The following CHD5 variants were observed in gnomAD, a reference collection of about 807,000 sequenced individuals.
CHD5 encodes the protein ATP-dependent chromatin remodeler CHD5.
Under a neutral mutation model 230.3 loss-of-function variants are expected in CHD5, and 69 were observed. The observed-to-expected ratio is 0.30, with a 90% CI of 0.25 to 0.37. The LOEUF is 0.37. CHD5 is among the 10% of genes least tolerant of loss of function. CHD5 has a pLI of 1.00. For missense variants in CHD5, 1,827 were observed against 2,622.8 expected (o/e 0.70, Z 6.63); for synonymous variants, 1,064 against 1,065.9 (o/e 1.00, Z 0.03).
In CHD5 at chr1:6,143,825, C is replaced by T; in HGVS notation, c.2041G>A (p.Asp681Asn). ...GCTGCCCCACCCTCCCCACTCACGT[C>T]CACAATGGGCGTGTCCGGCGGCTTC... ...QEKPPDTPIVDPTVKFDKQPW... is the reference protein window; with the variant it reads ...QEKPPDTPIVNPTVKFDKQPW... The change falls in exon 13 of 42, where the codon GAC becomes AAC. Residue 681 changes from aspartate (D) to asparagine (N), a missense_variant and splice_region_variant. Physicochemically the swap from Asp to Asn is conservative, Grantham distance 23. Coordinates refer to ENST00000262450, the MANE Select transcript of CHD5 (RefSeq NM_015557.3). The T allele has an allele frequency of 6.2e-7, 1 of 1,604,036 alleles. No individual in the cohort carries two copies.
At chr1:6,143,061 CT>C (rs5772221) in intron 13 of CHD5, among the ~76,000 whole-genome samples, 89,297 of 148,546 alleles carry the variant, frequency 0.6, 27,310 homozygotes, top group Non-Finnish European at 0.68. Flanking sequence ...CAGACATTTA[CT>C]TTTTTTTTTT....
intron 33 of CHD5, among the ~76,000 whole-genome samples, chr1:6,119,763 G>T (rs561256089): frequency 6.6e-6 from 1 of 150,436 alleles, no homozygotes; most frequent in Middle Eastern, 3.6e-3. Flanking sequence ...ACATACGTGC[G>T]TACATACGTA....
At position 6,134,506 on chromosome 1, in the gene CHD5, G is replaced by GC. The variant is rs1310870360; in HGVS notation, c.3012+211dup. On this transcript the variant is annotated intron_variant, in intron 19 of 41. Transcript: ENST00000262450. The surrounding 1 kb of genome is among the most constrained non-coding windows in gnomAD (Gnocchi z 6.3). The stretch of plus-strand genomic sequence containing the variant: ...TCACAGCCGCACCAGCCCTACCACA[G>GC]CAGCGGGTTCCACGGTAAGTTCCCC... Among the ~76,000 whole-genome samples, 1 of 152,192 alleles carries GC rather than the reference G, an allele frequency of 6.6e-6. No individual in the cohort carries two copies. The highest frequency in any genetic ancestry group is 6.5e-5 in the Admixed American group (1 of 15,282).
At position 6,142,714 on chromosome 1, in the gene CHD5, C is replaced by T; in HGVS notation, c.2044-109G>A. ...TTCTGCCTGGAACACTCTTCCCACT[C>T]CTGTCTGTCTTCCTAACTCTTCTCC... is the stretch of plus-strand genomic sequence containing the variant. On this transcript the variant is annotated intron_variant, in intron 13 of 41. Coordinates refer to ENST00000262450, the MANE Select transcript of CHD5 (RefSeq NM_015557.3). The surrounding 1 kb of genome is among the most constrained non-coding windows in gnomAD (Gnocchi z 5.2). 8.3e-7 allele frequency: 1 copy of T among 1,199,854 alleles called. No homozygotes were observed. The highest frequency in any genetic ancestry group is 1.2e-6 in the Non-Finnish European group (1 of 868,222). The allele number at this position is 1,199,854 out of a possible 1,614,324, so 74.3% of individuals were successfully genotyped here. A position where few individuals can be genotyped will look rare whatever the true frequency, so the allele number is the denominator to read the frequency against.
chr1:6,168,353 T>C lies in CHD5; in HGVS notation c.80-76A>G, dbSNP rs1320983487. ...AGCCCTGGAGACACAGAGCCAGCCC[T>C]GGGGAAGCTGGGACCCCCAGACACC... On this transcript the variant is annotated intron_variant, in intron 1 of 41. Transcript: ENST00000262450. 4.3e-5 allele frequency: 63 copies of C among 1,481,852 alleles called. No individual in the cohort carries two copies. In the Middle Eastern group the frequency reaches 6.8e-4, roughly 16 times the overall value. The allele number at this position is 1,481,852 out of a possible 1,614,324, so 91.8% of individuals were successfully genotyped here.
At position 6,121,064 on chromosome 1, in the gene CHD5, AGACAT is replaced by A. The variant is rs762852333; in HGVS notation, c.4912+36_4912+40del. The A allele has an allele frequency of 3.2e-6, 5 of 1,539,660 alleles. No homozygotes were observed. In the African/African-American group the frequency reaches 6.9e-5, roughly 21 times the overall value. On this transcript the variant is annotated intron_variant, in intron 33 of 41. Transcript: ENST00000262450. The surrounding 1 kb of genome is among the most constrained non-coding windows in gnomAD (Gnocchi z 4.5). ...CTCTGAACCCAGGCCTGCTGAGGCC[AGACAT>A]GGCACTGGGGTGGGTGGCCTGCAAG...
At position 6,125,530 on chromosome 1, in the gene CHD5, G is replaced by T; in HGVS notation, c.4254C>A (p.Asn1418Lys). 1 of 1,585,582 alleles carries T rather than the reference G, an allele frequency of 6.3e-7. No homozygotes were observed. The highest frequency in any genetic ancestry group is 1.8e-5 in the Admixed American group (1 of 56,302). ...LPPLLARVGG[N>K]IEVLGFNARQ... ...GGGAACAGACAGGCCCCACCTCGAT[G>T]TTGCCACCAACTCGGGCGAGAAGCG... The change falls in exon 28 of 42, where the codon AAC becomes AAA. Residue 1418 changes from asparagine to lysine, a missense_variant. Transcript: ENST00000262450. The surrounding 1 kb of genome is among the most constrained non-coding windows in gnomAD (Gnocchi z 6.7).
intron 33 of CHD5, among the ~76,000 whole-genome samples, chr1:6,119,546 G>T (rs553433650): frequency 6.6e-6 from 1 of 152,102 alleles, no homozygotes; most frequent in African/African-American, 2.4e-5. Context: ...GCAAAATCTG[G>T]CATTATAAGA....
intron 33 of CHD5, among the ~76,000 whole-genome samples, chr1:6,119,766 CATACGTACATATGTGCGTAT>C: frequency 6.6e-6 from 1 of 150,722 alleles, no homozygotes; most frequent in South Asian, 2.1e-4. Context: ...TACGTGCGTA[CATACGTACATATGTGCGTAT>C]ATACGTACGT....
At chr1:6,159,947 G>A (rs2100873395) in intron 2 of CHD5, among the ~76,000 whole-genome samples, 1 of 152,340 alleles carries the variant, frequency 6.6e-6, no homozygotes, top group South Asian at 2.1e-4. Flanking sequence ...GGCGGTGGAG[G>A]ATGTGGTCCC....
chr1:6,143,793 A>AAC, intron 13 of CHD5, 30 bp downstream of exon 13: 2 of 940,730 alleles, frequency 2.1e-6, no homozygotes, highest in Non-Finnish European at 3.3e-6. Flanking sequence ...TGGCAACCCC[A>AAC]CCCACTGCTG....
intron 20 of CHD5, among the ~76,000 whole-genome samples, chr1:6,133,699 G>A (rs1410358316): frequency 6.6e-6 from 1 of 152,266 alleles, no homozygotes; most frequent in Non-Finnish European, 1.5e-5. Context: ...AGGGATGGAG[G>A]AAGAAATGAA....
At chr1:6,165,714 G>A (rs968250621) in intron 2 of CHD5, among the ~76,000 whole-genome samples, 2 of 151,972 alleles carry the variant, frequency 1.3e-5, no homozygotes, top group South Asian at 2.1e-4. Flanking sequence ...GGGGCCAGGG[G>A]ACAGCGGCCA....
chr1:6,149,138 C>T (rs1233692781), intron 8 of CHD5, 63 bp from the exon 9 acceptor site: 1 of 1,464,072 alleles, frequency 6.8e-7, no homozygotes, highest in African/African-American at 1.4e-5. Flanking sequence ...GGCCCGACTC[C>T]CTCCCTCCCC....
intron 3 of CHD5, among the ~76,000 whole-genome samples, chr1:6,156,849 C>A (rs996910927): frequency 2.6e-5 from 4 of 152,174 alleles, no homozygotes; most frequent in African/African-American, 9.6e-5. Flanking sequence ...GTCAGGTGAC[C>A]AGATGACCAG....
chr1:6,146,394 G>A lies in CHD5; in HGVS notation c.1620C>T (p.Arg540=). The change falls in exon 11 of 42, where the codon CGC becomes CGT. Residue 540 remains arginine (R), a synonymous_variant. Transcript: ENST00000262450. This position sits in a 1 kb window ranked among gnomAD's most constrained non-coding sequence, Gnocchi z 5.1. ...CCATGTCGTTCTTTCTTTGGTAGTT[G>A]CGATACATCACCGTGTGGTACAGCT... is the stretch of plus-strand genomic sequence containing the variant. ...QLELYHTVMY[R]NYQRKNDMDE... is the part of the protein sequence containing the mutation. The A allele has an allele frequency of 6.2e-7, 1 of 1,614,098 alleles. No individual in the cohort carries two copies. The highest frequency in any genetic ancestry group is 1.1e-5 in the South Asian group (1 of 91,080).
chr1:6,154,574 C>T lies in CHD5; in HGVS notation c.745+86G>A. 1 of 1,267,398 alleles carries T rather than the reference C, an allele frequency of 7.9e-7. No individual in the cohort carries two copies. The allele number at this position is 1,267,398 out of a possible 1,614,324, so 78.5% of individuals were successfully genotyped here. Reference sequence around the variant, plus strand: ...GAGCACCCCAGCTGCCCCTCCCTGCCCGCGTCTGCCCCGTGGCTTCTCCTA... The same window carrying T: ...GAGCACCCCAGCTGCCCCTCCCTGCTCGCGTCTGCCCCGTGGCTTCTCCTA... On this transcript the variant is annotated intron_variant, in intron 5 of 41. Coordinates refer to ENST00000262450, the MANE Select transcript of CHD5 (RefSeq NM_015557.3). The surrounding 1 kb of genome is among the most constrained non-coding windows in gnomAD (Gnocchi z 7.0).
intron 33 of CHD5, among the ~76,000 whole-genome samples, chr1:6,114,332 G>A (rs928128551): frequency 1.3e-5 from 2 of 151,942 alleles, no homozygotes; most frequent in South Asian, 2.1e-4. Context: ...ACCAGCCGAC[G>A]CACAGGAAGC....
chr1:6,120,977 A>G, intron 33 of CHD5, 128 bp downstream of exon 33: 1 of 1,103,542 alleles, frequency 9.1e-7, no homozygotes, highest in Non-Finnish European at 1.2e-6. Context: ...GGGGGCCTGC[A>G]GAGGGTTGGA....
Sources: allele counts gnomAD v4.1 joint callset (sites outside exome capture counted in the v4.1 genomes callset), GRCh38; gene constraint gnomAD v4.1.1; non-coding constraint Gnocchi (gnomAD v3.1); transcripts MANE v1.5; gene names NCBI Gene and HGNC (gene_info 2026-07-23, HGNC 2026-07-21).